The following STAU2 variants were observed in gnomAD, a reference collection of about 807,000 sequenced individuals.
STAU2 encodes staufen double-stranded RNA binding protein 2.
A neutral mutation model predicts 65.9 loss-of-function variants in STAU2; 20 were observed. That is an observed-to-expected ratio of 0.30 (90% CI 0.21 to 0.44). The LOEUF is 0.44. Ranked by LOEUF, STAU2 falls within the 20% of genes least tolerant of loss-of-function variation. The probability of loss-of-function intolerance (pLI) is 1.00; values close to 1 mark genes in which losing one functional copy is unlikely to be tolerated. For synonymous variants in STAU2, 232 were observed against 233.9 expected, an observed-to-expected ratio of 0.99 and a Z score of 0.07; for missense variants, 558 against 683.9, an observed-to-expected ratio of 0.82 and a Z score of 2.05.
chr8:73,568,008 T>C (rs1808749975), intron 12 of STAU2, among the ~76,000 whole-genome samples: 1 of 152,182 alleles, frequency 6.6e-6, no homozygotes, highest in South Asian at 2.1e-4. Flanking sequence ...AATGAAAGAA[T>C]GAATGATGCA....
intron 13 of STAU2, among the ~76,000 whole-genome samples, chr8:73,484,305 T>C (rs1271473817): frequency 2.6e-5 from 4 of 152,142 alleles, no homozygotes; most frequent in Non-Finnish European, 4.4e-5. Flanking sequence ...CTACAGAGGA[T>C]TGGAATCTAG....
At chr8:73,590,576 C>T (rs2128967485) in intron 11 of STAU2, 1 of 152,238 alleles carries the variant, frequency 6.6e-6, no homozygotes, top group Non-Finnish European at 1.5e-5. Flanking sequence ...GAGCAGCAGC[C>T]ATAGTTCTGC....
chr8:73,707,278 T>C (rs897179555), intron 4 of STAU2, among the ~76,000 whole-genome samples: 3 of 152,144 alleles, frequency 2.0e-5, no homozygotes, highest in Non-Finnish European at 4.4e-5. Flanking sequence ...ATGAAAGGAC[T>C]GTGGAAGTCA....
intron 13 of STAU2, among the ~76,000 whole-genome samples, chr8:73,483,133 T>A (rs947897974): frequency 6.6e-6 from 1 of 152,090 alleles, no homozygotes; most frequent in African/African-American, 2.4e-5. Context: ...TGGTCTCTAG[T>A]AGCATAAAAA....
chr8:73,593,939 C>T (rs1289789478), intron 11 of STAU2, among the ~76,000 whole-genome samples: 1 of 151,880 alleles, frequency 6.6e-6, no homozygotes, highest in African/African-American at 2.4e-5. Flanking sequence ...AGAACCCTGA[C>T]TTATACAGTG....
At chr8:73,575,821 C>CA (rs201579643) in intron 12 of STAU2, among the ~76,000 whole-genome samples, 110 of 13,764 alleles carry the variant, frequency 8.0e-3, no homozygotes, top group Admixed American at 0.026. Context: ...AATACACACA[C>CA]AAAAAACCAC....
At chr8:73,518,452 A>AACTACTCATATCTGTCATC (rs1822859212) in intron 13 of STAU2, among the ~76,000 whole-genome samples, 1 of 152,240 alleles carries the variant, frequency 6.6e-6, no homozygotes, top group Admixed American at 6.5e-5. Flanking sequence ...TCTCTGTCAT[A>AACTACTCATATCTGTCATC]ACTACTCATA....
chr8:73,649,001 T>C (rs1368196315), intron 6 of STAU2, among the ~76,000 whole-genome samples: 1 of 152,158 alleles, frequency 6.6e-6, no homozygotes, highest in Non-Finnish European at 1.5e-5. Flanking sequence ...AGACTAAGTC[T>C]TGCTATGTTG....
chr8:73,687,926 G>A (rs1434547929), intron 5 of STAU2, among the ~76,000 whole-genome samples: 2 of 151,416 alleles, frequency 1.3e-5, no homozygotes, highest in Non-Finnish European at 2.9e-5. Context: ...GTGTTAGCCA[G>A]GATGGTCTCA....
chr8:73,657,741 C>G (rs1231130427), intron 6 of STAU2, among the ~76,000 whole-genome samples: 3 of 152,130 alleles, frequency 2.0e-5, no homozygotes, highest in African/African-American at 7.2e-5. Context: ...AGGCCGGGTA[C>G]AGTGGTTCAT....
chr8:73,552,068 A>C lies in STAU2; in HGVS notation c.1474T>G (p.Ser492Ala). ...LKGSSPTPPCSPVQPSKQLEY... is the reference protein window; with the variant it reads ...LKGSSPTPPCAPVQPSKQLEY... Reference sequence around the variant, plus strand: ...AGTTGTTTTGAAGGTTGTACTGGAGAACAAGGGGGAGTAGGAGAACTTCCT... The same window carrying C: ...AGTTGTTTTGAAGGTTGTACTGGAGCACAAGGGGGAGTAGGAGAACTTCCT... The change falls in exon 13 of 15, where the codon TCT becomes GCT. Residue 492 changes from serine (S) to alanine (A), a missense_variant. By Grantham distance (99) the Ser-to-Ala change is moderately conservative. Coordinates refer to ENST00000524300, the MANE Select transcript of STAU2 (RefSeq NM_001164380.2). 6.2e-7 allele frequency: 1 copy of C among 1,610,258 alleles called. No homozygotes were observed. Among genetic ancestry groups the C allele is most frequent in the Non-Finnish European group, 8.5e-7 (1 of 1,177,604 alleles).
chr8:73,744,093 A>G (rs994786424), intron 1 of STAU2, among the ~76,000 whole-genome samples: 38 of 152,090 alleles, frequency 2.5e-4, no homozygotes, highest in African/African-American at 9.2e-4. Context: ...TTCTATGATC[A>G]GCTTGGTGAA....
chr8:73,669,102 T>G, intron 6 of STAU2: 1 of 702,190 alleles, frequency 1.4e-6, no homozygotes, highest in Non-Finnish European at 2.6e-6. Flanking sequence ...TCCATTCAAG[T>G]GTTGCCATCT....
At chr8:73,497,289 A>G (rs1821471909) in intron 13 of STAU2, among the ~76,000 whole-genome samples, 1 of 151,752 alleles carries the variant, frequency 6.6e-6, no homozygotes, top group South Asian at 2.1e-4. Context: ...AATCATAAGA[A>G]TTGCAAGACT....
chr8:73,462,060 C>G (rs1242175517), intron 13 of STAU2, among the ~76,000 whole-genome samples: 1 of 136,750 alleles, frequency 7.3e-6, no homozygotes, highest in Non-Finnish European at 1.5e-5. Flanking sequence ...AAAATTTCAC[C>G]TATTTTATTT....
chr8:73,497,833 T>G (rs7823908), intron 13 of STAU2, among the ~76,000 whole-genome samples: 64,072 of 151,532 alleles, frequency 0.42, 14,554 homozygotes, highest in Non-Finnish European at 0.5. Context: ...GAGTGTTTCT[T>G]TATCAGTATA....
chr8:73,702,399 G>A (rs1301399253), intron 4 of STAU2, among the ~76,000 whole-genome samples: 1 of 152,046 alleles, frequency 6.6e-6, no homozygotes, highest in African/African-American at 2.4e-5. Flanking sequence ...CAAGGAATGA[G>A]AAAATTTTGT....
At chr8:73,742,836 G>A (rs1218446374) in intron 1 of STAU2, among the ~76,000 whole-genome samples, 1 of 152,092 alleles carries the variant, frequency 6.6e-6, no homozygotes, top group East Asian at 1.9e-4. Flanking sequence ...GCCCATCTGA[G>A]AAATTAAAAG....
At chr8:73,433,792 C>T (rs574458951) in intron 13 of STAU2, among the ~76,000 whole-genome samples, 2 of 151,996 alleles carry the variant, frequency 1.3e-5, no homozygotes, top group East Asian at 1.9e-4. Flanking sequence ...CGTGAGCCAC[C>T]GTGCCTGGCC....
Sources: gnomAD v4.1 joint callset for allele counts (sites outside exome capture counted in the v4.1 genomes callset) on GRCh38, gnomAD v4.1.1 for gene constraint, MANE v1.5 for transcripts, NCBI Gene and HGNC (gene_info 2026-07-23, HGNC 2026-07-21) for gene names.